The following RGS5 variants were observed in gnomAD, a reference collection of about 807,000 sequenced individuals.
RGS5 encodes the protein regulator of G-protein signalling 5.
Under a neutral mutation model 18.9 loss-of-function variants are expected in RGS5, and 20 were observed. The ratio of observed to expected loss-of-function variants is 1.06; its 90% CI spans 0.74 to 1.54. The LOEUF is 1.54. Among genes scored for constraint, RGS5 ranks in the 40% most tolerant of loss-of-function variants. RGS5 has a pLI of 0.00. For synonymous variants in RGS5, 57 were observed against 76.2 expected (o/e 0.75, Z 1.31); for missense variants, 201 against 211.8 (o/e 0.95, Z 0.32).
At chr1:163,175,901 A>G (rs1658534334) in intron 1 of RGS5, among the ~76,000 whole-genome samples, 1 of 152,228 alleles carries the variant, frequency 6.6e-6, no homozygotes, top group Non-Finnish European at 1.5e-5. Flanking sequence ...TAGTAGTAGT[A>G]TTAATGTGTT....
intron 2 of RGS5, among the ~76,000 whole-genome samples, chr1:163,292,987 A>C (rs1458599992): frequency 1.3e-5 from 2 of 151,802 alleles, no homozygotes; most frequent in Non-Finnish European, 2.9e-5. Context: ...CTCTGTTGAT[A>C]GTTTCCTTTG....
chr1:163,266,533 G>A (rs546076996), intron 2 of RGS5: 2 of 151,992 alleles, frequency 1.3e-5, no homozygotes, highest in East Asian at 3.9e-4. Flanking sequence ...TCCATGCTTT[G>A]CCTCAATGTT....
chr1:163,183,421 T>C (rs1048719192), intron 1 of RGS5, among the ~76,000 whole-genome samples: 1 of 152,222 alleles, frequency 6.6e-6, no homozygotes, highest in African/African-American at 2.4e-5. Context: ...AATAAGCAAT[T>C]ATTCCTGACC....
At chr1:163,183,460 C>T (rs1360601111) in intron 1 of RGS5, among the ~76,000 whole-genome samples, 5 of 152,130 alleles carry the variant, frequency 3.3e-5, no homozygotes, top group Non-Finnish European at 7.3e-5. Context: ...ACAAAGGAGA[C>T]ATGTATAGAT....
intron 1 of RGS5, among the ~76,000 whole-genome samples, chr1:163,179,340 A>G (rs1341135607): frequency 6.6e-6 from 1 of 152,220 alleles, no homozygotes; most frequent in African/African-American, 2.4e-5. Flanking sequence ...CTATTTCATA[A>G]GCCTCTTGTG....
intron 2 of RGS5, chr1:163,259,940 A>C (rs1190032574): frequency 6.6e-6 from 1 of 152,328 alleles, no homozygotes; most frequent in Non-Finnish European, 1.5e-5. Context: ...GGCAAGGTTC[A>C]GAAGTAAGAG....
chr1:163,288,772 C>G (rs1649208180), intron 2 of RGS5, among the ~76,000 whole-genome samples: 1 of 152,164 alleles, frequency 6.6e-6, no homozygotes, highest in South Asian at 2.1e-4. Flanking sequence ...CTGCACATAT[C>G]AACTTGGATG....
intron 1 of RGS5, among the ~76,000 whole-genome samples, chr1:163,200,546 C>T (rs1659737625): frequency 6.6e-6 from 1 of 152,022 alleles, no homozygotes; most frequent in Admixed American, 6.6e-5. Context: ...TGTCATTTTC[C>T]CCTTAGAATA....
intron 1 of RGS5, among the ~76,000 whole-genome samples, chr1:163,177,601 C>T (rs1658611029): frequency 6.6e-6 from 1 of 152,140 alleles, no homozygotes. Flanking sequence ...GTGTGGAGGA[C>T]CACATGAGGT....
upstream of RGS5, among the ~76,000 whole-genome samples, chr1:163,205,530 A>G (rs1394536593): frequency 6.6e-6 from 1 of 152,180 alleles, no homozygotes; most frequent in African/African-American, 2.4e-5. Flanking sequence ...AAGCCATCAT[A>G]TTCTGAGTGA....
At chr1:163,167,125 G>T (rs1658088830) in intron 2 of RGS5, among the ~76,000 whole-genome samples, 1 of 152,122 alleles carries the variant, frequency 6.6e-6, no homozygotes, top group Admixed American at 6.6e-5. Flanking sequence ...AAAAGAGAAA[G>T]AATAACTCAT....
intron 1 of RGS5, among the ~76,000 whole-genome samples, chr1:163,180,383 T>G (rs966994572): frequency 1.3e-5 from 2 of 152,192 alleles, no homozygotes; most frequent in Non-Finnish European, 1.5e-5. Flanking sequence ...CTCTTCCTAT[T>G]GCAGTGCCTT....
intron 2 of RGS5, among the ~76,000 whole-genome samples, chr1:163,298,666 T>G (rs143194090): frequency 2.6e-5 from 4 of 152,068 alleles, no homozygotes; most frequent in Non-Finnish European, 5.9e-5. Flanking sequence ...CTTTCTGGAG[T>G]GTGGTGTCTC....
upstream of RGS5, among the ~76,000 whole-genome samples, chr1:163,219,956 G>A (rs1396187594): frequency 6.6e-6 from 1 of 152,120 alleles, no homozygotes; most frequent in Non-Finnish European, 1.5e-5. Flanking sequence ...GCTGGGACAT[G>A]GAGTATATAT....
chr1:163,252,571 A>G (rs1648138507), intron 2 of RGS5, among the ~76,000 whole-genome samples: 1 of 152,108 alleles, frequency 6.6e-6, no homozygotes, highest in African/African-American at 2.4e-5. Flanking sequence ...CTTGACTTTT[A>G]CTCCCAACAT....
chr1:163,260,928 A>G (rs975576778), intron 2 of RGS5, among the ~76,000 whole-genome samples: 4 of 152,200 alleles, frequency 2.6e-5, no homozygotes, highest in Admixed American at 2.6e-4. Flanking sequence ...TGTGACCATG[A>G]AGTGCTGACA....
chr1:163,303,249 C>G (rs1024694831), intron 2 of RGS5, among the ~76,000 whole-genome samples: 1 of 152,056 alleles, frequency 6.6e-6, no homozygotes, highest in Non-Finnish European at 1.5e-5. Context: ...TCTAGCAATC[C>G]TCCCAACAAA....
intron 2 of RGS5, among the ~76,000 whole-genome samples, chr1:163,259,174 C>CA (rs1557922554): frequency 6.6e-6 from 1 of 151,356 alleles, no homozygotes; most frequent in Admixed American, 6.6e-5. Context: ...TTTTTTAAGA[C>CA]AGAGTCTCAC....
At chr1:163,275,225 G>A (rs1221947778) in intron 2 of RGS5, among the ~76,000 whole-genome samples, 2 of 152,224 alleles carry the variant, frequency 1.3e-5, no homozygotes, top group East Asian at 1.9e-4. Context: ...TGTATTCTAC[G>A]GATGTATGGT....
Sources: gnomAD v4.1 joint callset for allele counts (sites outside exome capture counted in the v4.1 genomes callset) on GRCh38, gnomAD v4.1.1 for gene constraint, MANE v1.5 for transcripts, NCBI Gene and HGNC (gene_info 2026-07-23, HGNC 2026-07-21) for gene names.